The following SH3D19 variants were observed in gnomAD, a reference collection of about 807,000 sequenced individuals.
The protein encoded by SH3D19 is SH3 domain containing 19.
SH3D19 carries 58 observed loss-of-function variants against 112.1 expected under a neutral mutation model. The ratio of observed to expected loss-of-function variants is 0.52; its 90% CI spans 0.42 to 0.64. SH3D19 has a LOEUF of 0.64. Among genes scored for constraint, SH3D19 ranks in the 30% least tolerant of loss-of-function variants. The probability of loss-of-function intolerance (pLI) is 0.00; values close to 1 mark genes in which losing one functional copy is unlikely to be tolerated. For synonymous variants in SH3D19, 391 were observed against 448.5 expected (o/e 0.87, Z 1.62); for missense variants, 1,090 against 1,263.4 (o/e 0.86, Z 2.08).
At chr4:151,134,399 G>A (rs929208582) in intron 15 of SH3D19, among the ~76,000 whole-genome samples, 4 of 152,148 alleles carry the variant, frequency 2.6e-5, no homozygotes, top group Admixed American at 6.6e-5. Flanking sequence ...TCAGGGAAAC[G>A]TCCTCAGAGA....
intron 9 of SH3D19, among the ~76,000 whole-genome samples, chr4:151,155,308 A>C (rs1561245641): frequency 6.6e-6 from 1 of 152,170 alleles, no homozygotes; most frequent in Non-Finnish European, 1.5e-5. Context: ...AGATTTAATA[A>C]AAGTTTATTA....
chr4:151,220,979 G>A (rs1408604610), intron 2 of SH3D19, among the ~76,000 whole-genome samples: 1 of 152,220 alleles, frequency 6.6e-6, no homozygotes, highest in Non-Finnish European at 1.5e-5. Context: ...TTTCTCACAT[G>A]TGTATCAATC....
At position 151,174,705 on chromosome 4, in the gene SH3D19, AGGTTCCCCGATGG is replaced by A. The variant is rs1759643589; in HGVS notation, c.1486_1498del (p.Pro496TrpfsTer12). ...CTCTGAACCAACAGATTCTTCAGCC[AGGTTCCCCGATGG>A]GGTGGGCAAAACATCATCATCAAAG... On this transcript the variant is annotated frameshift_variant, in exon 7 of 20. Coordinates refer to ENST00000604030, the MANE Select transcript of SH3D19 (RefSeq NM_001378122.1). LOFTEE classifies it high-confidence loss of function. The A allele has an allele frequency of 6.6e-7, 1 of 1,514,562 alleles. No individual in the cohort carries two copies. The highest frequency in any genetic ancestry group is 8.8e-7 in the Non-Finnish European group (1 of 1,133,192). 93.8% of individuals were successfully genotyped at this position (1,514,562 alleles called of 1,614,324 possible).
chr4:151,179,166 C>G (rs1760429574), intron 4 of SH3D19, among the ~76,000 whole-genome samples, 189 bp downstream of exon 4: 1 of 152,162 alleles, frequency 6.6e-6, no homozygotes, highest in Non-Finnish European at 1.5e-5. Context: ...CATTTTCAAG[C>G]CTGTATCACT....
intron 2 of SH3D19, among the ~76,000 whole-genome samples, chr4:151,190,503 C>T (rs1458554130): frequency 1.3e-5 from 2 of 152,176 alleles, no homozygotes; most frequent in Non-Finnish European, 2.9e-5. Flanking sequence ...GCTGTGTGCA[C>T]TCTAGGGACT....
chr4:151,320,814 C>A (rs562736765), intron 1 of SH3D19, among the ~76,000 whole-genome samples: 1 of 152,046 alleles, frequency 6.6e-6, no homozygotes. Context: ...CCAAGGCAGG[C>A]GGGTCACCTG....
intron 17 of SH3D19, among the ~76,000 whole-genome samples, chr4:151,130,241 A>C (rs1750332699): frequency 6.6e-6 from 1 of 152,190 alleles, no homozygotes; most frequent in East Asian, 1.9e-4. Flanking sequence ...CAGGATTTTG[A>C]GACCAGCCTG....
chr4:151,201,733 G>A (rs992864007), intron 2 of SH3D19, among the ~76,000 whole-genome samples: 2 of 152,090 alleles, frequency 1.3e-5, no homozygotes, highest in Admixed American at 6.6e-5. Flanking sequence ...AAAATAGGCC[G>A]GGCACAGTGG....
intron 1 of SH3D19, among the ~76,000 whole-genome samples, chr4:151,242,790 T>C (rs919881924): frequency 6.6e-6 from 1 of 152,188 alleles, no homozygotes; most frequent in Non-Finnish European, 1.5e-5. Context: ...GCTTCACTAA[T>C]AGAGGGGTTA....
At chr4:151,312,206 G>T (rs1729528035) in intron 1 of SH3D19, among the ~76,000 whole-genome samples, 1 of 151,784 alleles carries the variant, frequency 6.6e-6, no homozygotes, top group Non-Finnish European at 1.5e-5. Flanking sequence ...TGAAAAAGGG[G>T]GAAAAAAGAA....
intron 9 of SH3D19, among the ~76,000 whole-genome samples, chr4:151,155,991 T>A (rs781553963): frequency 6.6e-6 from 1 of 152,112 alleles, no homozygotes; most frequent in Non-Finnish European, 1.5e-5. Flanking sequence ...GATACAAAAT[T>A]AATATACAAA....
At chr4:151,158,033 G>T (rs932514476) in intron 9 of SH3D19, among the ~76,000 whole-genome samples, 1 of 152,072 alleles carries the variant, frequency 6.6e-6, no homozygotes, top group Non-Finnish European at 1.5e-5. Flanking sequence ...TACCACTGCA[G>T]GATGACTATA....
intron 1 of SH3D19, among the ~76,000 whole-genome samples, chr4:151,322,217 G>A (rs1158026261): frequency 1.3e-5 from 2 of 152,012 alleles, no homozygotes; most frequent in African/African-American, 4.8e-5. Context: ...GGGAGGCTGA[G>A]GTGGGAGGAG....
intron 2 of SH3D19, among the ~76,000 whole-genome samples, chr4:151,204,684 C>T (rs573179320): frequency 6.6e-6 from 1 of 152,286 alleles, no homozygotes; most frequent in Non-Finnish European, 1.5e-5. Flanking sequence ...CAACATCAGG[C>T]CTACATAAAC....
At position 151,174,721 on chromosome 4, in the gene SH3D19, T is replaced by A. The variant is rs1226957526; in HGVS notation, c.1483A>T (p.Thr495Ser). ...TCTTCAGCCAGGTTCCCCGATGGGG[T>A]GGGCAAAACATCATCATCAAAGCTG... is the stretch of plus-strand genomic sequence containing the variant. ...LISFDDDVLP[T>S]PSGNLAEESV... The change falls in exon 7 of 20, where the codon ACC becomes TCC. Residue 495 changes from threonine (T) to serine (S), a missense_variant. By Grantham distance (58) the Thr-to-Ser change is moderately conservative. Transcript: ENST00000604030. 2.6e-6 allele frequency: 4 copies of A among 1,513,720 alleles called. No individual in the cohort carries two copies. The allele number at this position is 1,513,720 out of a possible 1,614,324, so 93.8% of individuals were successfully genotyped here. A position where few individuals can be genotyped will look rare whatever the true frequency, so the allele number is the denominator to read the frequency against.
intron 1 of SH3D19, among the ~76,000 whole-genome samples, chr4:151,325,022 A>AC (rs1207002533): frequency 2.0e-5 from 3 of 152,176 alleles, no homozygotes; most frequent in Non-Finnish European, 4.4e-5. Context: ...CAGCTGTACG[A>AC]CCACTAGCAG....
chr4:151,290,689 G>C (rs571359329), intron 1 of SH3D19, among the ~76,000 whole-genome samples: 2 of 152,116 alleles, frequency 1.3e-5, no homozygotes, highest in South Asian at 2.1e-4. Context: ...TGACAGTAAA[G>C]CTGTTACAAA....
At chr4:151,283,044 C>A in intron 1 of SH3D19, 1 of 1,390,284 alleles carries the variant, frequency 7.2e-7, no homozygotes, top group Non-Finnish European at 1.0e-6. Context: ...GAGACTTCTG[C>A]ACATCATGAC....
chr4:151,163,772 G>A lies in SH3D19; in HGVS notation c.1642+1817C>T, dbSNP rs141895059. 7.2e-3 allele frequency among the ~76,000 whole-genome samples: 1,089 copies of A among 151,686 alleles called. 13 individuals are homozygous for A. Among genetic ancestry groups the A allele is most frequent in the African/African-American group, 0.025 (1,023 of 41,318 alleles). ...ACTTTTTTGTATTTTTGATAGAGAC[G>A]GGGTTTCACCATGTTGGCCAGGCTG... On this transcript the variant is annotated intron_variant, in intron 8 of 19. Coordinates refer to ENST00000604030, the MANE Select transcript of SH3D19 (RefSeq NM_001378122.1).
Sources: allele counts gnomAD v4.1 joint callset (sites outside exome capture counted in the v4.1 genomes callset), GRCh38; gene constraint gnomAD v4.1.1; transcripts MANE v1.5; gene names NCBI Gene and HGNC (gene_info 2026-07-23, HGNC 2026-07-21).